SPTBN1: variants seen among roughly 807,000 people sequenced by gnomAD.
SPTBN1 encodes the protein spectrin beta, non-erythrocytic 1.
A neutral mutation model predicts 266.4 loss-of-function variants in SPTBN1; 32 were observed. The ratio of observed to expected loss-of-function variants is 0.12; its 90% CI spans 0.09 to 0.16. SPTBN1 has a LOEUF of 0.16. SPTBN1 is among the 10% of genes least tolerant of loss of function. The pLI is 1.00. For missense variants in SPTBN1, 2,296 were observed against 3,067.1 expected (o/e 0.75, Z 5.94); for synonymous variants, 1,336 against 1,162.2 (o/e 1.15, Z -3.04).
Position 54,626,329 on chromosome 2 carries a change from G to T in SPTBN1, c.1644+95G>T. ...ACTAAACCCCTACGTACAGCTGTGT[G>T]CCTTGTCTAACTGCCCACATGTACA... On this transcript the variant is annotated intron_variant, in intron 12 of 35. Coordinates refer to ENST00000356805, the MANE Select transcript of SPTBN1 (RefSeq NM_003128.3). This position sits in a 1 kb window ranked among gnomAD's most constrained non-coding sequence, Gnocchi z 4.7. 7.0e-7 allele frequency: 1 copy of T among 1,426,816 alleles called. No individual in the cohort carries two copies. Among genetic ancestry groups the T allele is most frequent in the Non-Finnish European group, 9.4e-7 (1 of 1,066,568 alleles). 88.4% of individuals were successfully genotyped at this position (1,426,816 alleles called of 1,614,324 possible).
At chr2:54,459,599 C>T (rs1693252171) in intron 1 of SPTBN1, among the ~76,000 whole-genome samples, 1 of 138,158 alleles carries the variant, frequency 7.2e-6, no homozygotes, top group African/African-American at 3.0e-5. Flanking sequence ...CATTTTAAAG[C>T]CTAATTTTTT....
chr2:54,668,949 A>C lies in SPTBN1; in HGVS notation c.*380A>C. On this transcript the variant is annotated 3_prime_UTR_variant, in exon 36 of 36. Transcript: ENST00000356805. ...GTGCTCACCAGAGGCAAAATGTACC[A>C]ATATCCTGACACCATTCTCTCTCCA... 1 of 232,504 alleles carries C rather than the reference A, an allele frequency of 4.3e-6. No homozygotes were observed. Among genetic ancestry groups the C allele is most frequent in the Non-Finnish European group, 8.6e-6 (1 of 116,458 alleles). 14.4% of individuals were successfully genotyped at this position (232,504 alleles called of 1,614,324 possible).
intron 1 of SPTBN1, among the ~76,000 whole-genome samples, chr2:54,499,635 T>A (rs1439298421): frequency 6.6e-6 from 1 of 152,200 alleles, no homozygotes; most frequent in Non-Finnish European, 1.5e-5. Context: ...CTCTAAATAA[T>A]GTCCTAAAAA....
chr2:54,530,434 C>T (rs1266589600), intron 2 of SPTBN1, among the ~76,000 whole-genome samples: 1 of 132,320 alleles, frequency 7.6e-6, no homozygotes. Flanking sequence ...TCTCGGCTCA[C>T]TGCAAGCTCC....
chr2:54,525,892 C>G (rs904019510), intron 1 of SPTBN1, among the ~76,000 whole-genome samples: 7 of 152,232 alleles, frequency 4.6e-5, no homozygotes, highest in Non-Finnish European at 8.8e-5. Flanking sequence ...CCACCACGCC[C>G]AGCTAATTTT....
intron 1 of SPTBN1, among the ~76,000 whole-genome samples, chr2:54,469,785 G>T (rs1393425899): frequency 6.6e-6 from 1 of 152,214 alleles, no homozygotes; most frequent in Admixed American, 6.5e-5. Context: ...AGAGATATCA[G>T]TCAGGTGACT....
Position 54,554,609 on chromosome 2 carries a change from T to C in SPTBN1, c.148+28043T>C, listed in dbSNP as rs1038985362. On this transcript the variant is annotated intron_variant, in intron 2 of 35. Coordinates refer to ENST00000356805, the MANE Select transcript of SPTBN1 (RefSeq NM_003128.3). This position sits in a 1 kb window ranked among gnomAD's most constrained non-coding sequence, Gnocchi z 4.5. The stretch of plus-strand genomic sequence containing the variant: ...CATAGATTCCAAACTGTTTGGTTTA[T>C]AGACGAAGATTGAGAGGCCCAGAGA... 1.3e-5 allele frequency among the ~76,000 whole-genome samples: 2 copies of C among 152,196 alleles called. No individual in the cohort carries two copies. Among genetic ancestry groups the C allele is most frequent in the African/African-American group, 4.8e-5 (2 of 41,438 alleles).
intron 3 of SPTBN1, among the ~76,000 whole-genome samples, chr2:54,600,301 T>A (rs1676411277): frequency 6.6e-6 from 1 of 152,204 alleles, no homozygotes; most frequent in Admixed American, 6.5e-5. Flanking sequence ...GCCCTTCAGT[T>A]CAAGAACAGG....
chr2:54,574,929 T>A (rs984673004), intron 2 of SPTBN1, among the ~76,000 whole-genome samples: 1 of 152,198 alleles, frequency 6.6e-6, no homozygotes, highest in Non-Finnish European at 1.5e-5. Context: ...CTAGGTGGTA[T>A]CATAACTGCT....
intron 10 of SPTBN1, 38 bp downstream of exon 10, chr2:54,623,634 C>G: frequency 6.5e-7 from 1 of 1,532,598 alleles, no homozygotes; most frequent in Non-Finnish European, 9.0e-7. Context: ...CCCTGACCTC[C>G]TGGAGGCTTC....
At chr2:54,572,377 G>C (rs1674146120) in intron 2 of SPTBN1, among the ~76,000 whole-genome samples, 1 of 152,196 alleles carries the variant, frequency 6.6e-6, no homozygotes, top group African/African-American at 2.4e-5. Flanking sequence ...AGCTTATTCA[G>C]ATTTTTATGT....
intron 20 of SPTBN1, 89 bp downstream of exon 20, chr2:54,644,675 G>A (rs1461220572): frequency 1.1e-5 from 17 of 1,492,388 alleles, no homozygotes; most frequent in Non-Finnish European, 1.4e-5. Flanking sequence ...GCATTATCAG[G>A]AGTCCACCTT....
Position 54,649,828 on chromosome 2 carries a change from G to C in SPTBN1, c.5416G>C (p.Glu1806Gln). 1 of 1,614,182 alleles carries C rather than the reference G, an allele frequency of 6.2e-7. No individual in the cohort carries two copies. The highest frequency in any genetic ancestry group is 1.7e-5 in the Admixed American group (1 of 60,010). The change falls in exon 26 of 36, where the codon GAA becomes CAA. Residue 1806 changes from glutamate (E) to glutamine (Q), a missense_variant. Physicochemically the swap from Glu to Gln is conservative, Grantham distance 29. Around this residue, in one of 12 missense-constraint regions of SPTBN1, gnomAD observed 644 missense variants for 745.3 expected, o/e 0.86. Transcript: ENST00000356805. This position sits in a 1 kb window ranked among gnomAD's most constrained non-coding sequence, Gnocchi z 6.7. ...AACACAGATTCTTGCCGCTTCCTAT[G>C]AACTGCACAAGTTTTACCACGATGC... ...TRTQILAASY[E>Q]LHKFYHDAKE...
In SPTBN1 at chr2:54,655,993, G is replaced by C; in HGVS notation, c.6041G>C (p.Arg2014Thr). 1 of 1,612,290 alleles carries C rather than the reference G, an allele frequency of 6.2e-7. No homozygotes were observed. Among genetic ancestry groups the C allele is most frequent in the Non-Finnish European group, 8.5e-7 (1 of 1,178,756 alleles). ...DKWEDRWEWL[R>T]LILEVHQFSR... The stretch of plus-strand genomic sequence containing the variant: ...TGGGAAGACCGATGGGAATGGTTAA[G>C]ACTGAGTAAGGATGTAGTTTATCTT... The change falls in exon 29 of 36, where the codon AGA becomes ACA. Residue 2014 changes from arginine to threonine, a missense_variant. Arg to Thr is a moderately conservative substitution (Grantham distance 71). Coordinates refer to ENST00000356805, the MANE Select transcript of SPTBN1 (RefSeq NM_003128.3).
chr2:54,658,984 G>A (rs2104202381), intron 30 of SPTBN1, among the ~76,000 whole-genome samples, 170 bp from the exon 31 acceptor site: 1 of 152,310 alleles, frequency 6.6e-6, no homozygotes, highest in Non-Finnish European at 1.5e-5. Context: ...TTAGGTTGTA[G>A]CTGCAGTTCC....
intron 1 of SPTBN1, among the ~76,000 whole-genome samples, chr2:54,468,831 C>T (rs73932835): frequency 0.038 from 5,735 of 152,298 alleles, 309 homozygotes; most frequent in East Asian, 0.13. Context: ...CCATATGCTT[C>T]GGACAACATC....
chr2:54,457,018 C>T (rs1470906450), intron 1 of SPTBN1, among the ~76,000 whole-genome samples: 2 of 151,792 alleles, frequency 1.3e-5, no homozygotes, highest in South Asian at 4.1e-4. Context: ...GTGACAGGGC[C>T]GGGCTCTGCG....
chr2:54,554,945 T>C lies in SPTBN1; in HGVS notation c.148+28379T>C, dbSNP rs1417773534. ...TCCTCCTCCTCCTCCTTTCTCGTTA[T>C]TTTCTAACTCCCTGTAACCCAGCTT... On this transcript the variant is annotated intron_variant, in intron 2 of 35. Coordinates refer to ENST00000356805, the MANE Select transcript of SPTBN1 (RefSeq NM_003128.3). The surrounding 1 kb of genome is among the most constrained non-coding windows in gnomAD (Gnocchi z 4.5). 6.6e-6 allele frequency among the ~76,000 whole-genome samples: 1 copy of C among 152,232 alleles called. No individual in the cohort carries two copies. Among genetic ancestry groups the C allele is most frequent in the Non-Finnish European group, 1.5e-5 (1 of 68,028 alleles).
Position 54,670,339 on chromosome 2 carries a change from C to T in SPTBN1, c.*1770C>T. ...GTTATCTGGGTATGTTGACTCCATG[C>T]CACTTGCATAAAGCAGCAATGGATA... On this transcript the variant is annotated 3_prime_UTR_variant, in exon 36 of 36. Transcript: ENST00000356805. The T allele has an allele frequency of 5.3e-6, 1 of 190,400 alleles. No homozygotes were observed. The highest frequency in any genetic ancestry group is 1.1e-5 in the Non-Finnish European group (1 of 93,476). 11.8% of individuals were successfully genotyped at this position (190,400 alleles called of 1,614,324 possible).
Sources: gnomAD v4.1 joint callset for allele counts (sites outside exome capture counted in the v4.1 genomes callset) on GRCh38, gnomAD v4.1.1 for gene constraint, gnomAD v4.1.1 regional missense constraint, Gnocchi (gnomAD v3.1) non-coding constraint, MANE v1.5 for transcripts, NCBI Gene and HGNC (gene_info 2026-07-23, HGNC 2026-07-21) for gene names.